Variants in ZNF469 observed in about 807,000 individuals in gnomAD.
ZNF469 encodes the protein zinc finger protein 469.
A neutral mutation model predicts 1.0 loss-of-function variants in ZNF469; 1 was observed. The ratio of observed to expected loss-of-function variants is 1.00; its 90% CI spans 0.35 to 4.73. The LOEUF is 4.73. Ranked by LOEUF, ZNF469 falls within the 30% of genes most tolerant of loss-of-function variation. The probability of loss-of-function intolerance (pLI) is 0.16; values close to 1 mark genes in which losing one functional copy is unlikely to be tolerated. For missense variants in ZNF469, 6,100 were observed against 5,356.3 expected, an observed-to-expected ratio of 1.14 and a Z score of -4.33; for synonymous variants, 2,703 against 2,363.4, an observed-to-expected ratio of 1.14 and a Z score of -4.17.
At chr16:88,326,946 C>T in the ZNF469 span, among the ~76,000 whole-genome samples, 256 of 152,248 alleles carry the variant, frequency 1.7e-3, 1 homozygote, top group African/African-American at 6.0e-3. Context: ...GGCCTGTGTC[C>T]CTGTCTCCCT....
the ZNF469 span, among the ~76,000 whole-genome samples, chr16:88,164,305 G>A: frequency 6.6e-6 from 1 of 151,648 alleles, no homozygotes; most frequent in Non-Finnish European, 1.5e-5. Context: ...ATGGGTGGAT[G>A]GATGCAGGGA....
At chr16:88,220,039 C>G in the ZNF469 span, among the ~76,000 whole-genome samples, 23 of 152,324 alleles carry the variant, frequency 1.5e-4, no homozygotes, top group Non-Finnish European at 8.8e-5. Context: ...TTCTCCAATA[C>G]TTGACATGAC....
At position 88,439,167 on chromosome 16, in the gene ZNF469, A is replaced by C. The variant is rs561879014; in HGVS notation, c.11697A>C (p.Arg3899Ser). ...TGGGCAAGGCCTTCCCCCAGGGGAG[A>C]CCCCTGCTCAGGCCCCCCAAGAGGG... The part of the protein sequence containing the change: ...DRLGKAFPQG[R>S]PLLRPPKRGT... Residue 3899 changes from arginine to serine, a missense_variant, in exon 3 of 3, where the codon AGA becomes AGC. Arg to Ser is a moderately radical substitution (Grantham distance 110). Coordinates refer to ENST00000565624, the MANE Select transcript of ZNF469 (RefSeq NM_001367624.2). 169 of 1,550,344 alleles carry C rather than the reference A, an allele frequency of 1.1e-4. No individual in the cohort carries two copies. The African/African-American group carries it at 2.1e-3, about 19-fold the overall frequency.
At chr16:88,177,964 GT>G in the ZNF469 span, 1 of 152,278 alleles carries the variant, frequency 6.6e-6, no homozygotes, top group Admixed American at 6.5e-5. The surrounding 1 kb of genome is among the most constrained non-coding windows in gnomAD (Gnocchi z 4.8). Flanking sequence ...ACCCGCCTCA[GT>G]CTCCCAAAGT....
Position 88,435,073 on chromosome 16 carries a change from G to C in ZNF469, c.7603G>C (p.Gly2535Arg). 1 of 1,550,408 alleles carries C rather than the reference G, an allele frequency of 6.4e-7. No homozygotes were observed. Among genetic ancestry groups the C allele is most frequent in the South Asian group, 1.2e-5 (1 of 84,060 alleles). Reference protein sequence around the residue: ...PPRKKSHRVSGKERPNHSRGD... With the variant: ...PPRKKSHRVSRKERPNHSRGD... The stretch of plus-strand genomic sequence containing the variant: ...CAGGAAGAAAAGCCACAGGGTGTCT[G>C]GGAAGGAGAGACCAAATCACTCACG... The change falls in exon 3 of 3, where the codon GGG becomes CGG. Residue 2535 changes from glycine (G) to arginine (R), a missense_variant. Gly to Arg is a moderately radical substitution (Grantham distance 125). Transcript: ENST00000565624.
the ZNF469 span, among the ~76,000 whole-genome samples, chr16:88,120,620 C>T: frequency 0.14 from 20,855 of 152,234 alleles, 1,823 homozygotes; most frequent in South Asian, 0.19. Flanking sequence ...GCCGCCCTGT[C>T]CACGGAGCAT....
the ZNF469 span, among the ~76,000 whole-genome samples, chr16:88,103,571 G>T: frequency 4.3e-3 from 655 of 152,264 alleles, 3 homozygotes; most frequent in African/African-American, 0.015. Context: ...AATCCCTTGG[G>T]GGGGATCAGG....
chr16:88,247,215 TAA>T, the ZNF469 span, among the ~76,000 whole-genome samples: 1 of 149,932 alleles, frequency 6.7e-6, no homozygotes, highest in Non-Finnish European at 1.5e-5. Flanking sequence ...AGTGAGGGAA[TAA>T]GTGAGTGAAT....
chr16:88,186,307 C>A, the ZNF469 span, among the ~76,000 whole-genome samples: 3 of 152,226 alleles, frequency 2.0e-5, no homozygotes, highest in South Asian at 6.2e-4. Context: ...CTAATGGCAT[C>A]CACACTTGGC....
rs182242966 is a variant in ZNF469 at position 88,397,112 on chromosome 16, A to G, written c.-192+13858A>G. Among the ~76,000 whole-genome samples, 604 of 152,092 alleles carry G rather than the reference A, an allele frequency of 4.0e-3. 2 individuals are homozygous for G. Among genetic ancestry groups the G allele is most frequent in the South Asian group, 9.3e-3 (45 of 4,828 alleles). ...GACCCTGCTGCAGGGAGGCCAGGCA[A>G]AGACGCTCCTGCAGGGAGGCTAAGT... On this transcript the variant is annotated intron_variant, in intron 1 of 2. Transcript: ENST00000565624.
At chr16:88,227,397 C>T in the ZNF469 span, among the ~76,000 whole-genome samples, 3 of 152,128 alleles carry the variant, frequency 2.0e-5, no homozygotes, top group African/African-American at 7.2e-5. Context: ...CCCACCCCTT[C>T]TCTCTGTCTC....
chr16:88,286,350 C>T, the ZNF469 span, among the ~76,000 whole-genome samples: 1 of 152,262 alleles, frequency 6.6e-6, no homozygotes, highest in Non-Finnish European at 1.5e-5. Context: ...CTGACATCTG[C>T]CGTTATACTC....
rs542610826 is a variant in ZNF469, at chr16:88,398,763, T to C, written c.-192+15509T>C. Among the ~76,000 whole-genome samples the C allele has an allele frequency of 3.9e-5, 6 of 152,164 alleles. No homozygotes were observed. The East Asian group carries it at 1.2e-3, about 29-fold the overall frequency. ...GGAAGGGACACATGGGCCAGCAGGA[T>C]GGACTTGGACTTGGCTCCTTTGCAG... On this transcript the variant is annotated intron_variant, in intron 1 of 2. Transcript: ENST00000565624.
chr16:88,160,640 G>A, the ZNF469 span, among the ~76,000 whole-genome samples: 1 of 152,172 alleles, frequency 6.6e-6, no homozygotes, highest in Non-Finnish European at 1.5e-5. Flanking sequence ...TGGGGATCAG[G>A]TGGGTCCAGA....
Position 88,430,323 on chromosome 16 carries a change from G to C in ZNF469, c.2853G>C (p.Leu951Phe). Residue 951 changes from leucine to phenylalanine, a missense_variant, in exon 3 of 3, where the codon TTG becomes TTC. Coordinates refer to ENST00000565624, the MANE Select transcript of ZNF469 (RefSeq NM_001367624.2). ...GGCAGCAGAGGAGGGGGAAGCAGTTGAAGCTGTTCCGGAAGGATCTGGACT... is the reference window on the plus strand; with the variant it reads ...GGCAGCAGAGGAGGGGGAAGCAGTTCAAGCTGTTCCGGAAGGATCTGGACT... ...QGRQQRRGKQ[L>F]KLFRKDLDSG... 1 of 1,515,782 alleles carries C rather than the reference G, an allele frequency of 6.6e-7. No homozygotes were observed. 93.9% of individuals were successfully genotyped at this position (1,515,782 alleles called of 1,614,324 possible). A position where few individuals can be genotyped will look rare whatever the true frequency, so the allele number is the denominator to read the frequency against.
chr16:88,223,599 A>T, the ZNF469 span, among the ~76,000 whole-genome samples: 1 of 152,134 alleles, frequency 6.6e-6, no homozygotes, highest in South Asian at 2.1e-4. Context: ...CTGAGGAAGG[A>T]TGCGTGCTTG....
chr16:88,336,049 C>T, the ZNF469 span, among the ~76,000 whole-genome samples: 39 of 148,126 alleles, frequency 2.6e-4, no homozygotes, highest in Admixed American at 9.4e-4. Context: ...ATACCACACA[C>T]GTTCATCCTT....
the ZNF469 span, among the ~76,000 whole-genome samples, chr16:88,250,032 AT>A: frequency 6.6e-6 from 1 of 152,230 alleles, no homozygotes; most frequent in Non-Finnish European, 1.5e-5. Context: ...TTCTCTGTCT[AT>A]CCCTTTTTAA....
the ZNF469 span, chr16:88,178,748 A>C: frequency 6.6e-6 from 1 of 152,240 alleles, no homozygotes; most frequent in Non-Finnish European, 1.5e-5. Flanking sequence ...ACACAACCAC[A>C]GCAGGGGTGA....
Sources: allele counts gnomAD v4.1 joint callset (sites outside exome capture counted in the v4.1 genomes callset), GRCh38; gene constraint gnomAD v4.1.1; non-coding constraint Gnocchi (gnomAD v3.1); transcripts MANE v1.5; gene names NCBI Gene and HGNC (gene_info 2026-07-23, HGNC 2026-07-21).